PIAS1: variants seen among roughly 807,000 people sequenced by gnomAD.
PIAS1 encodes the protein protein inhibitor of activated STAT 1, also known as E3 SUMO-protein ligase PIAS1.
PIAS1 carries 6 observed loss-of-function variants against 71.3 expected under a neutral mutation model. The observed-to-expected ratio is 0.08, with a 90% CI of 0.05 to 0.17. PIAS1 has a LOEUF of 0.17. Among genes scored for constraint, PIAS1 ranks in the 10% least tolerant of loss-of-function variants. The pLI is 1.00. For missense variants in PIAS1, 555 were observed against 793.6 expected (o/e 0.70, Z 3.61); for synonymous variants, 303 against 292.9 (o/e 1.03, Z -0.35).
At chr15:68,073,390 T>G (rs1406394612) in intron 1 of PIAS1, among the ~76,000 whole-genome samples, 1 of 152,230 alleles carries the variant, frequency 6.6e-6, no homozygotes, top group Non-Finnish European at 1.5e-5. Flanking sequence ...GCCAAACCGT[T>G]GTTACTCATA....
At chr15:68,071,768 C>G (rs1479202445) in intron 1 of PIAS1, among the ~76,000 whole-genome samples, 1 of 150,560 alleles carries the variant, frequency 6.6e-6, no homozygotes, top group Non-Finnish European at 1.5e-5. Context: ...GAGTTTGAGA[C>G]CAGCCTGGCC....
chr15:68,100,899 TG>T (rs1173003153), intron 2 of PIAS1, among the ~76,000 whole-genome samples: 1,397 of 31,688 alleles, frequency 0.044, 13 homozygotes, highest in East Asian at 0.13. Flanking sequence ...GTTTTTGTTT[TG>T]TTTTTTTTTT....
chr15:68,140,887 TATAA>T (rs144160307), intron 2 of PIAS1, among the ~76,000 whole-genome samples: 3,128 of 152,282 alleles, frequency 0.021, 112 homozygotes, highest in African/African-American at 0.071. Context: ...GGAAAAGTAG[TATAA>T]ATAGTTTAAT....
At chr15:68,177,123 A>G (rs1326262229) in intron 11 of PIAS1, among the ~76,000 whole-genome samples, 1 of 151,976 alleles carries the variant, frequency 6.6e-6, no homozygotes, top group Non-Finnish European at 1.5e-5. Flanking sequence ...CTACTAAAAT[A>G]CAAAAATTAG....
intron 1 of PIAS1, among the ~76,000 whole-genome samples, chr15:68,060,790 T>C (rs1179191940): frequency 6.9e-6 from 1 of 144,190 alleles, no homozygotes; most frequent in Non-Finnish European, 1.5e-5. Context: ...TTCAGGCAAT[T>C]CTCCTGCCTC....
intron 2 of PIAS1, among the ~76,000 whole-genome samples, chr15:68,135,007 C>T (rs1313560165): frequency 6.3e-5 from 3 of 47,898 alleles, no homozygotes; most frequent in African/African-American, 1.3e-4. Context: ...GGCGGCTGGC[C>T]GGGCAGAGGG....
chr15:68,154,657 A>C (rs1380551768), intron 7 of PIAS1, among the ~76,000 whole-genome samples: 1 of 152,214 alleles, frequency 6.6e-6, no homozygotes, highest in Admixed American at 6.5e-5. Flanking sequence ...ATATACCCTT[A>C]ATAGTTCATT....
In PIAS1 at chr15:68,189,071, C is replaced by G. The variant is rs1171926691; in HGVS notation, c.*1236C>G. ...ATACCTATTTTCTTAGCGTATCTGC[C>G]TTGTTTATCTTTTTCTTCACCTTTT... On this transcript the variant is annotated 3_prime_UTR_variant, in exon 14 of 14. Coordinates refer to ENST00000249636, the MANE Select transcript of PIAS1 (RefSeq NM_016166.3). The G allele has an allele frequency of 2.0e-5, 3 of 152,094 alleles. No homozygotes were observed. Among genetic ancestry groups the G allele is most frequent in the African/African-American group, 7.2e-5 (3 of 41,384 alleles). 9.4% of individuals were successfully genotyped at this position (152,094 alleles called of 1,614,324 possible).
rs892466135 is a variant in PIAS1, at chr15:68,188,350, C to T, written c.*515C>T. 23 of 156,466 alleles carry T rather than the reference C, an allele frequency of 1.5e-4. No individual in the cohort carries two copies. Among genetic ancestry groups the T allele is most frequent in the African/African-American group, 5.3e-4 (22 of 41,420 alleles). 9.7% of individuals were successfully genotyped at this position (156,466 alleles called of 1,614,324 possible). ...TCTGTTTGTGTGTGCATATTTTATC[C>T]AGCCTTAAGTTATAAAGCTCATCTG... On this transcript the variant is annotated 3_prime_UTR_variant, in exon 14 of 14. Coordinates refer to ENST00000249636, the MANE Select transcript of PIAS1 (RefSeq NM_016166.3).
At position 68,173,280 on chromosome 15, in the gene PIAS1, A is replaced by G. The variant is rs916344022; in HGVS notation, c.1009-452A>G. ...TGAGGCAGGAGGATTGCTTGAGCCC[A>G]GGAGTTTGAGGCTGTAGTGTGCTAC... On this transcript the variant is annotated intron_variant, in intron 8 of 13. Coordinates refer to ENST00000249636, the MANE Select transcript of PIAS1 (RefSeq NM_016166.3). This position sits in a 1 kb window ranked among gnomAD's most constrained non-coding sequence, Gnocchi z 4.3. Among the ~76,000 whole-genome samples the G allele has an allele frequency of 2.6e-5, 4 of 152,072 alleles. No homozygotes were observed. Among genetic ancestry groups the G allele is most frequent in the South Asian group, 4.1e-4 (2 of 4,824 alleles).
In PIAS1 at chr15:68,173,703, T is replaced by A; in HGVS notation, c.1009-29T>A. 1 of 1,480,424 alleles carries A rather than the reference T, an allele frequency of 6.8e-7. No individual in the cohort carries two copies. The highest frequency in any genetic ancestry group is 9.1e-7 in the Non-Finnish European group (1 of 1,100,426). The allele number at this position is 1,480,424 out of a possible 1,614,324, so 91.7% of individuals were successfully genotyped here. On this transcript the variant is annotated intron_variant, in intron 8 of 13. Transcript: ENST00000249636. The surrounding 1 kb of genome is among the most constrained non-coding windows in gnomAD (Gnocchi z 4.3). ...GCTTAAATGTTGAATAGCAATTATC[T>A]AATATTTACTTTTTCTCCCTTTTTA...
chr15:68,187,748 A>G lies in PIAS1; in HGVS notation c.1869A>G (p.Glu623=), dbSNP rs191408288. ...SSLVSSNSLR[E]SHSHTVTNRS... ...TGGTTTCTTCCAACAGCCTAAGGGAAAGCCATAGCCACACCGTCACAAACA... is the reference window on the plus strand; with the variant it reads ...TGGTTTCTTCCAACAGCCTAAGGGAGAGCCATAGCCACACCGTCACAAACA... The change falls in exon 14 of 14, where the codon GAA becomes GAG. Residue 623 remains glutamate, a synonymous_variant. Transcript: ENST00000249636. The surrounding 1 kb of genome is among the most constrained non-coding windows in gnomAD (Gnocchi z 5.3). The G allele has an allele frequency of 3.3e-4, 532 of 1,614,012 alleles. 1 individual carries two copies. In the African/African-American group the frequency reaches 4.7e-3, roughly 14 times the overall value.
intron 7 of PIAS1, among the ~76,000 whole-genome samples, chr15:68,161,252 G>T (rs912701718): frequency 6.6e-6 from 1 of 152,186 alleles, no homozygotes; most frequent in Admixed American, 6.5e-5. Context: ...CTATGTGCAA[G>T]ATTTGTATGC....
chr15:68,131,746 C>T (rs2092688870), intron 2 of PIAS1, among the ~76,000 whole-genome samples: 1 of 152,114 alleles, frequency 6.6e-6, no homozygotes, highest in Non-Finnish European at 1.5e-5. Context: ...TTTTCTTTAT[C>T]CATTCATCTG....
chr15:68,180,587 C>T (rs190574481), intron 11 of PIAS1, among the ~76,000 whole-genome samples: 194 of 148,664 alleles, frequency 1.3e-3, no homozygotes, highest in African/African-American at 4.6e-3. Context: ...ACTACCTATT[C>T]GTTTTGGAGT....
chr15:68,094,020 A>G (rs1020686137), intron 2 of PIAS1, among the ~76,000 whole-genome samples: 2 of 152,158 alleles, frequency 1.3e-5, no homozygotes, highest in Admixed American at 6.5e-5. Flanking sequence ...TGATTAAACA[A>G]ACTGTGTTTT....
At chr15:68,143,920 A>G (rs185525406) in intron 4 of PIAS1, among the ~76,000 whole-genome samples, 32 of 152,242 alleles carry the variant, frequency 2.1e-4, no homozygotes, top group African/African-American at 7.2e-4. Context: ...AGACTAAAAT[A>G]AAGTTTAAAA....
At position 68,129,736 on chromosome 15, in the gene PIAS1, A is replaced by T. The variant is rs542108984; in HGVS notation, c.470-12210A>T. Reference sequence around the variant, plus strand: ...TAATTTATGTATATGTTGAAATGAAAACATGTCCTCAAAACTTAAAATCTT... The same window carrying T: ...TAATTTATGTATATGTTGAAATGAATACATGTCCTCAAAACTTAAAATCTT... On this transcript the variant is annotated intron_variant, in intron 2 of 13. Transcript: ENST00000249636. 2.6e-5 allele frequency among the ~76,000 whole-genome samples: 4 copies of T among 152,024 alleles called. No individual in the cohort carries two copies. In the East Asian group the frequency reaches 7.7e-4, roughly 29 times the overall value.
intron 2 of PIAS1, among the ~76,000 whole-genome samples, chr15:68,112,485 TC>T (rs1199618501): frequency 6.6e-6 from 1 of 152,114 alleles, no homozygotes; most frequent in African/African-American, 2.4e-5. Context: ...ACTGTTGTTA[TC>T]TAGGTCATCA....
Sources: allele counts gnomAD v4.1 joint callset (sites outside exome capture counted in the v4.1 genomes callset), GRCh38; gene constraint gnomAD v4.1.1; non-coding constraint Gnocchi (gnomAD v3.1); transcripts MANE v1.5; gene names NCBI Gene and HGNC (gene_info 2026-07-23, HGNC 2026-07-21).